SMC1A: variants seen among roughly 807,000 people sequenced by gnomAD.
SMC1A encodes the protein structural maintenance of chromosomes protein 1A.
SMC1A carries 4 observed loss-of-function variants against 94.5 expected under a neutral mutation model. The observed-to-expected ratio is 0.04, with a 90% CI of 0.02 to 0.10. SMC1A has a LOEUF of 0.10. Ranked by LOEUF, SMC1A falls within the 10% of genes least tolerant of loss-of-function variation. The probability of loss-of-function intolerance (pLI) is 1.00; values close to 1 mark genes in which losing one functional copy is unlikely to be tolerated. For synonymous variants in SMC1A, 345 were observed against 347.7 expected, an observed-to-expected ratio of 0.99 and a Z score of 0.09; for missense variants, 304 against 989.0, an observed-to-expected ratio of 0.31 and a Z score of 9.29.
rs868962395 is a variant in SMC1A at position 53,383,183 on chromosome X, C to T, written c.3044G>A (p.Ser1015Asn). 3 of 1,196,300 alleles carry T rather than the reference C, an allele frequency of 2.5e-6. No homozygotes were observed. In the African/African-American group the frequency reaches 5.3e-5, roughly 21 times the overall value. The change falls in exon 20 of 25, where the codon AGT becomes AAT. Residue 1015 changes from serine to asparagine, a missense_variant. By Grantham distance (46) the Ser-to-Asn change is conservative. This residue lies in a region of SMC1A where 17 missense variants were observed against 44.7 expected (regional missense o/e 0.38). Transcript: ENST00000322213. ...TLQQKLNEQQ[S>N]VLQRIAAPNM... ...GGGGGCGGCAATACGCTGAAGCACA[C>T]TCTGCTGCTCATTCAGCTTCTGCTG...
At chrX:53,398,564 T>C (rs2075660188) in intron 16 of SMC1A, among the ~76,000 whole-genome samples, 1 of 111,483 alleles carries the variant, frequency 9.0e-6, no homozygotes, top group Non-Finnish European at 1.9e-5. Flanking sequence ...TTTGTTAGTA[T>C]TTAATTTTTA....
At chrX:53,408,932 A>G in intron 9 of SMC1A, 130 bp downstream of exon 9, 2 of 605,108 alleles carry the variant, frequency 3.3e-6, no homozygotes, top group Non-Finnish European at 5.3e-6. Context: ...TGCTTTTTTA[A>G]ACCTCTCCGA....
intron 1 of SMC1A, among the ~76,000 whole-genome samples, chrX:53,417,648 G>A (rs1056841143): frequency 9.0e-6 from 1 of 110,805 alleles, no homozygotes; most frequent in Non-Finnish European, 1.9e-5. Context: ...CTGGACTCTG[G>A]TTCCAAAATA....
At chrX:53,411,609 A>T in intron 7 of SMC1A, 152 bp downstream of exon 7, 1 of 668,933 alleles carries the variant, frequency 1.5e-6, no homozygotes, top group Non-Finnish European at 2.3e-6. Context: ...AAAACAAAAA[A>T]AAAGACTATC....
intron 1 of SMC1A, among the ~76,000 whole-genome samples, chrX:53,421,007 T>G (rs2075752788): frequency 1.8e-5 from 2 of 111,428 alleles, no homozygotes; most frequent in Non-Finnish European, 3.8e-5. Context: ...GAGGTGGGCC[T>G]TGAAGAACGG....
At chrX:53,406,051 A>C in intron 9 of SMC1A, 95 bp from the exon 10 acceptor site, 1 of 818,631 alleles carries the variant, frequency 1.2e-6, no homozygotes, top group Non-Finnish European at 1.8e-6. Flanking sequence ...ACAGACTAGA[A>C]TCTATATCAG....
chrX:53,411,466 TGTAGTCCCAGCTACTCA>T (rs1179785811), intron 7 of SMC1A, among the ~76,000 whole-genome samples: 2 of 110,618 alleles, frequency 1.8e-5, no homozygotes, highest in East Asian at 5.6e-4. Context: ...GGCGCACGCC[TGTAGTCCCAGCTACTCA>T]GGAGGCTGAG....
chrX:53,411,918 G>C lies in SMC1A; in HGVS notation c.1114-17C>G, dbSNP rs1286958423. The C allele has an allele frequency of 2.5e-6, 3 of 1,209,441 alleles. No homozygotes were observed. The highest frequency in any genetic ancestry group is 3.5e-5 in the African/African-American group (2 of 57,025). Reference sequence around the variant, plus strand: ...TTTCTTCACCTGTGTTAGGGACAGGGAAGGAGAACAGGGATGACCAAGTCA... The same window carrying C: ...TTTCTTCACCTGTGTTAGGGACAGGCAAGGAGAACAGGGATGACCAAGTCA... On this transcript the variant is annotated splice_polypyrimidine_tract_variant and intron_variant, in intron 6 of 24. Transcript: ENST00000322213.
chrX:53,418,860 T>C (rs1210746032), intron 1 of SMC1A, among the ~76,000 whole-genome samples: 1 of 110,849 alleles, frequency 9.0e-6, no homozygotes, highest in Non-Finnish European at 1.9e-5. Flanking sequence ...CTGGCCAACA[T>C]GGTGAAACCC....
At chrX:53,380,354 C>T (rs782609602) in intron 24 of SMC1A, among the ~76,000 whole-genome samples, 168 bp from the exon 25 acceptor site, 12 of 111,611 alleles carry the variant, frequency 1.1e-4, no homozygotes, top group South Asian at 3.8e-4. Flanking sequence ...CATGTGCCTT[C>T]GCTCCTTGCC....
At chrX:53,383,400 G>T in intron 19 of SMC1A, 147 bp from the exon 20 acceptor site, 1 of 509,928 alleles carries the variant, frequency 2.0e-6, no homozygotes, top group Non-Finnish European at 3.3e-6. Flanking sequence ...CCTTCCACCA[G>T]ATCCTACCCA....
chrX:53,411,850 G>A lies in SMC1A; in HGVS notation c.1165C>T (p.Leu389=). ...TTGAATTTCTCCAGCTCCTGGGCCA[G>A]GGTAGCTGCTCTCTTGCTGGCTTCT... ...KEEASKRAAT[L]AQELEKFNRD... The change falls in exon 7 of 25, where the codon CTG becomes TTG. Residue 389 remains leucine, a synonymous_variant. Transcript: ENST00000322213. 1 of 1,211,467 alleles carries A rather than the reference G, an allele frequency of 8.3e-7. No individual in the cohort carries two copies. The highest frequency in any genetic ancestry group is 1.1e-6 in the Non-Finnish European group (1 of 895,289).
At chrX:53,410,946 G>A (rs1253512001) in intron 7 of SMC1A, among the ~76,000 whole-genome samples, 152 of 1,824 alleles carry the variant, frequency 0.083, 1 homozygote, top group Non-Finnish European at 0.14. Context: ...AAAAAAAAAA[G>A]TAGCCAGGCA....
intron 18 of SMC1A, among the ~76,000 whole-genome samples, chrX:53,395,767 T>C (rs2075648403): frequency 9.0e-6 from 1 of 111,229 alleles, no homozygotes; most frequent in Non-Finnish European, 1.9e-5. Context: ...TCTGCATTGC[T>C]GATGTCCCTT....
At position 53,377,552 on chromosome X, in the gene SMC1A, C is replaced by T. The variant is rs887290066; in HGVS notation, c.*2551G>A. ...TAAAAAGGAAAAAGAAAAAGCTTTA[C>T]AAACGATTCTGATGCGCAGCCAAGG... On this transcript the variant is annotated 3_prime_UTR_variant, in exon 25 of 25. Transcript: ENST00000322213. 6 of 112,087 alleles carry T rather than the reference C, an allele frequency of 5.4e-5. No homozygotes were observed. Among genetic ancestry groups the T allele is most frequent in the African/African-American group, 2.0e-4 (6 of 30,765 alleles). 9.2% of individuals were successfully genotyped at this position (112,087 alleles called of 1,213,427 possible). A position where few individuals can be genotyped will look rare whatever the true frequency, so the allele number is the denominator to read the frequency against.
chrX:53,412,260 C>G lies in SMC1A; in HGVS notation c.855-7G>C. 1 of 1,210,334 alleles carries G rather than the reference C, an allele frequency of 8.3e-7. No homozygotes were observed. The highest frequency in any genetic ancestry group is 1.8e-5 in the South Asian group (1 of 56,905). On this transcript the variant is annotated splice_region_variant and splice_polypyrimidine_tract_variant and intron_variant, in intron 5 of 24. Transcript: ENST00000322213. ...CAATTCTGAGTCCTTCTCCCTTTTG[C>G]CAGAGGGGTGGGGGAAACCAGTGAG...
At chrX:53,380,579 G>A in intron 24 of SMC1A, 41 bp downstream of exon 24, 1 of 882,635 alleles carries the variant, frequency 1.1e-6, no homozygotes, top group Non-Finnish European at 1.7e-6. Flanking sequence ...TGGGAAATCA[G>A]GCAGGGAGTA....
rs781817340 is a variant in SMC1A, at chrX:53,414,992, C to T, written c.287G>A (p.Arg96His). The change falls in exon 2 of 25, where the codon CGT becomes CAT. Residue 96 changes from arginine (R) to histidine (H), a missense_variant. Around this residue, in one of 11 missense-constraint regions of SMC1A, gnomAD observed 120 missense variants for 314.9 expected, o/e 0.38. Transcript: ENST00000322213. Reference protein sequence around the residue: ...EEGAEDRTFARVIVGGSSEYK... With the variant: ...EEGAEDRTFAHVIVGGSSEYK... ...CCAGCCTCACCCACCTACAATGACA[C>T]GGGCAAAGGTACGGTCCTCAGCACC... 8.3e-7 allele frequency: 1 copy of T among 1,208,980 alleles called. No individual in the cohort carries two copies. Among genetic ancestry groups the T allele is most frequent in the African/African-American group, 1.8e-5 (1 of 57,076 alleles).
chrX:53,379,932 T>C lies in SMC1A; in HGVS notation c.*171A>G. Reference sequence around the variant, plus strand: ...CTCCCTGTCGTTCAGGAATTTTTGCTCCAGACCTAACATCACCTCTGTTCC... The same window carrying C: ...CTCCCTGTCGTTCAGGAATTTTTGCCCCAGACCTAACATCACCTCTGTTCC... On this transcript the variant is annotated 3_prime_UTR_variant, in exon 25 of 25. Coordinates refer to ENST00000322213, the MANE Select transcript of SMC1A (RefSeq NM_006306.4). 1 of 473,437 alleles carries C rather than the reference T, an allele frequency of 2.1e-6. No homozygotes were observed. 39.0% of individuals were successfully genotyped at this position (473,437 alleles called of 1,213,427 possible).
Sources: gnomAD v4.1 joint callset for allele counts (sites outside exome capture counted in the v4.1 genomes callset) on GRCh38, gnomAD v4.1.1 for gene constraint, gnomAD v4.1.1 regional missense constraint, MANE v1.5 for transcripts, NCBI Gene and HGNC (gene_info 2026-07-23, HGNC 2026-07-21) for gene names.